Variants in DSCAM observed in about 807,000 individuals in gnomAD.
The protein encoded by DSCAM is cell adhesion molecule DSCAM.
Under a neutral mutation model 217.7 loss-of-function variants are expected in DSCAM, and 47 were observed. The observed-to-expected ratio is 0.22, with a 90% CI of 0.17 to 0.28. The LOEUF is 0.28. Among genes scored for constraint, DSCAM ranks in the 10% least tolerant of loss-of-function variants. The pLI is 1.00. For synonymous variants in DSCAM, 1,056 were observed against 1,015.3 expected (o/e 1.04, Z -0.76); for missense variants, 2,080 against 2,618.3 (o/e 0.79, Z 4.49).
chr21:40,603,950 G>A (rs2077082735), intron 3 of DSCAM, among the ~76,000 whole-genome samples: 1 of 115,148 alleles, frequency 8.7e-6, no homozygotes, highest in Admixed American at 1.1e-4. Context: ...TTTTTTCTGA[G>A]CCTCTTGGAT....
At chr21:40,833,205 A>C (rs1236893081) in intron 1 of DSCAM, among the ~76,000 whole-genome samples, 1 of 152,088 alleles carries the variant, frequency 6.6e-6, no homozygotes, top group East Asian at 1.9e-4. Context: ...CTCCTCTTCA[A>C]GCGTTTCTCC....
At chr21:40,172,955 AC>A (rs1233205068) in intron 15 of DSCAM, among the ~76,000 whole-genome samples, 2 of 152,226 alleles carry the variant, frequency 1.3e-5, no homozygotes, top group Admixed American at 1.3e-4. Flanking sequence ...TCAAAATACG[AC>A]AAAGAATAGC....
At chr21:40,145,905 G>T (rs1264951263) in intron 16 of DSCAM, among the ~76,000 whole-genome samples, 1 of 151,598 alleles carries the variant, frequency 6.6e-6, no homozygotes, top group Non-Finnish European at 1.5e-5. Flanking sequence ...TAAAGGTTTT[G>T]TAGACTTTCA....
At chr21:40,455,736 T>C (rs113313642) in intron 3 of DSCAM, among the ~76,000 whole-genome samples, 11,320 of 152,140 alleles carry the variant, frequency 0.074, 833 homozygotes, top group African/African-American at 0.18. Context: ...CCCACTGCAT[T>C]CCAGCTTGGG....
chr21:40,178,074 T>C (rs1379837582), intron 15 of DSCAM, among the ~76,000 whole-genome samples: 1 of 152,164 alleles, frequency 6.6e-6, no homozygotes, highest in African/African-American at 2.4e-5. Flanking sequence ...AGGCATGCAA[T>C]CCTTGTGGAT....
At chr21:40,508,419 T>C (rs1334550184) in intron 3 of DSCAM, among the ~76,000 whole-genome samples, 2 of 152,066 alleles carry the variant, frequency 1.3e-5, no homozygotes, top group South Asian at 2.1e-4. Context: ...TTAGAATAAC[T>C]CTATTATGTA....
intron 16 of DSCAM, among the ~76,000 whole-genome samples, chr21:40,163,726 T>C (rs1287146860): frequency 2.6e-5 from 4 of 152,046 alleles, no homozygotes; most frequent in African/African-American, 9.7e-5. Context: ...ATATTGAAAA[T>C]TACCATAGTA....
At chr21:40,503,256 A>G (rs1441090343) in intron 3 of DSCAM, among the ~76,000 whole-genome samples, 1 of 152,246 alleles carries the variant, frequency 6.6e-6, no homozygotes, top group African/African-American at 2.4e-5. Flanking sequence ...TGAGGCTCCC[A>G]TGCTTCAAGT....
intron 28 of DSCAM, among the ~76,000 whole-genome samples, chr21:40,057,272 T>C (rs1026813750): frequency 5.9e-5 from 9 of 152,214 alleles, no homozygotes; most frequent in African/African-American, 2.2e-4. Flanking sequence ...AATTACTGAC[T>C]TAACTAACTT....
chr21:40,825,266 T>TTTCCTTCCTTCCTTCC lies in DSCAM; in HGVS notation c.43+21337_43+21352dup, dbSNP rs142604153. 5.2e-3 allele frequency among the ~76,000 whole-genome samples: 726 copies of TTTCCTTCCTTCCTTCC among 140,038 alleles called. 4 individuals are homozygous for TTTCCTTCCTTCCTTCC. The highest frequency in any genetic ancestry group is 0.02 in the East Asian group (92 of 4,694). 91.9% of individuals were successfully genotyped at this position (140,038 alleles called of 152,430 possible). On this transcript the variant is annotated intron_variant, in intron 1 of 32. Coordinates refer to ENST00000400454, the MANE Select transcript of DSCAM (RefSeq NM_001389.5). The stretch of plus-strand genomic sequence containing the variant: ...AGGTGTTCAGTGAACATTTTCTTTC[T>TTTCCTTCCTTCCTTCC]TTCCTTCCTTCCTTCCTTCCTTCCT...
chr21:40,183,757 G>A (rs374981959), intron 14 of DSCAM, among the ~76,000 whole-genome samples: 1 of 152,260 alleles, frequency 6.6e-6, no homozygotes, highest in East Asian at 1.9e-4. Flanking sequence ...TAGAGTGAAT[G>A]GTCACTTGCA....
chr21:40,140,481 T>C (rs2090276563), intron 18 of DSCAM, among the ~76,000 whole-genome samples: 1 of 152,208 alleles, frequency 6.6e-6, no homozygotes, highest in Non-Finnish European at 1.5e-5. Context: ...ATGGGTGATG[T>C]GGATGAAGTC....
chr21:40,064,163 A>G (rs1326689485), intron 27 of DSCAM, among the ~76,000 whole-genome samples: 2 of 139,612 alleles, frequency 1.4e-5, no homozygotes, highest in Admixed American at 7.5e-5. Context: ...GTATGTATAT[A>G]TATATACATA....
chr21:40,580,665 AAT>A (rs2076897952), intron 3 of DSCAM, among the ~76,000 whole-genome samples: 1 of 152,224 alleles, frequency 6.6e-6, no homozygotes, highest in Admixed American at 6.5e-5. Context: ...CAGTAGAAGA[AAT>A]AAAGGAAATA....
rs371539090 is a variant in DSCAM, at chr21:40,579,558, T to A, written c.508+113252A>T. On this transcript the variant is annotated intron_variant, in intron 3 of 32. Transcript: ENST00000400454. Reference sequence around the variant, plus strand: ...CAGAATCCTTGGATTCTAGAAAGATTACAAGCCAAGCAGGAAAGAAACCCA... The same window carrying A: ...CAGAATCCTTGGATTCTAGAAAGATAACAAGCCAAGCAGGAAAGAAACCCA... Among the ~76,000 whole-genome samples the A allele has an allele frequency of 5.3e-5, 8 of 152,144 alleles. No individual in the cohort carries two copies. The East Asian group carries it at 1.5e-3, about 29-fold the overall frequency.
chr21:40,660,008 G>A (rs2090122021), intron 3 of DSCAM, among the ~76,000 whole-genome samples: 1 of 152,194 alleles, frequency 6.6e-6, no homozygotes, highest in Admixed American at 6.5e-5. Context: ...AGCAATACTA[G>A]CAGTGGTCAT....
intron 16 of DSCAM, among the ~76,000 whole-genome samples, chr21:40,149,307 A>G (rs1000522348): frequency 9.1e-5 from 13 of 143,384 alleles, no homozygotes; most frequent in African/African-American, 3.0e-4. Context: ...CACCACCACC[A>G]TCCGTCACTT....
chr21:40,156,324 A>AGAGAGAGG (rs1481249053), intron 16 of DSCAM, among the ~76,000 whole-genome samples: 1 of 148,720 alleles, frequency 6.7e-6, no homozygotes, highest in Non-Finnish European at 1.5e-5. Context: ...AGAGAGAGAG[A>AGAGAGAGG]GAGAGAGAGA....
intron 3 of DSCAM, among the ~76,000 whole-genome samples, chr21:40,536,411 T>A (rs1034001636): frequency 1.3e-5 from 2 of 150,676 alleles, no homozygotes; most frequent in Non-Finnish European, 3.0e-5. Flanking sequence ...TTTTTTTTTT[T>A]TTTTTTTTGA....
Sources: allele counts gnomAD v4.1 joint callset (sites outside exome capture counted in the v4.1 genomes callset), GRCh38; gene constraint gnomAD v4.1.1; transcripts MANE v1.5; gene names NCBI Gene and HGNC (gene_info 2026-07-23, HGNC 2026-07-21).